Variants in NOS1 observed in about 807,000 individuals in gnomAD.
NOS1 encodes the protein NOS type I.
NOS1 carries 51 observed loss-of-function variants against 164.5 expected under a neutral mutation model. The observed-to-expected ratio is 0.31, with a 90% CI of 0.25 to 0.39. The LOEUF (loss-of-function observed/expected upper bound fraction) is 0.39. Among genes scored for constraint, NOS1 ranks in the 10% least tolerant of loss-of-function variants. The pLI is 1.00. For missense variants in NOS1, 1,362 were observed against 1,885.6 expected (o/e 0.72, Z 5.14); for synonymous variants, 719 against 745.8 (o/e 0.96, Z 0.59).
At chr12:117,276,985 CT>C (rs1429230274) in intron 9 of NOS1, among the ~76,000 whole-genome samples, 1 of 152,128 alleles carries the variant, frequency 6.6e-6, no homozygotes, top group African/African-American at 2.4e-5. Flanking sequence ...GATTTCCCTT[CT>C]TTTGGGTATA....
intron 1 of NOS1, among the ~76,000 whole-genome samples, chr12:117,334,875 TG>T (rs1875730813): frequency 6.6e-6 from 1 of 152,212 alleles, no homozygotes; most frequent in Non-Finnish European, 1.5e-5. Context: ...TCCCGGTTTT[TG>T]AATGTCCAGT....
intron 1 of NOS1, among the ~76,000 whole-genome samples, chr12:117,344,743 G>A (rs1323073665): frequency 6.6e-6 from 1 of 152,170 alleles, no homozygotes; most frequent in Non-Finnish European, 1.5e-5. Context: ...AGGGCTCAGG[G>A]AACCCTGAAA....
At chr12:117,227,699 G>A in intron 22 of NOS1, 58 bp from the exon 23 acceptor site, 4 of 1,535,414 alleles carry the variant, frequency 2.6e-6, no homozygotes, top group Non-Finnish European at 3.6e-6. Context: ...TACTTCCCAT[G>A]AGGACCTGAG....
chr12:117,223,473 G>A (rs979137933), intron 25 of NOS1, among the ~76,000 whole-genome samples: 1 of 152,032 alleles, frequency 6.6e-6, no homozygotes, highest in African/African-American at 2.4e-5. Flanking sequence ...TGTTGGCCAG[G>A]CTGGTCTCGA....
intron 16 of NOS1, 39 bp downstream of exon 16, chr12:117,258,358 C>A: frequency 6.2e-7 from 1 of 1,608,374 alleles, no homozygotes; most frequent in Non-Finnish European, 8.5e-7. Flanking sequence ...CAGTTACCCT[C>A]GGGGGTGGCG....
intron 17 of NOS1, among the ~76,000 whole-genome samples, chr12:117,252,001 G>C (rs1464652871): frequency 6.6e-6 from 1 of 152,172 alleles, no homozygotes; most frequent in Non-Finnish European, 1.5e-5. Flanking sequence ...CCAAAGTGCT[G>C]GGATTACAGG....
At chr12:117,309,359 C>T (rs1012658454) in intron 3 of NOS1, 26 of 983,994 alleles carry the variant, frequency 2.6e-5, no homozygotes, top group Non-Finnish European at 2.9e-5. Context: ...CAGCCATCAG[C>T]GGCTAAGGAA....
chr12:117,210,778 T>G lies in NOS1; in HGVS notation c.*4531A>C. The G allele has an allele frequency of 1.0e-6, 1 of 985,384 alleles. No individual in the cohort carries two copies. The allele number at this position is 985,384 out of a possible 1,614,324, so 61.0% of individuals were successfully genotyped here. A position where few individuals can be genotyped will look rare whatever the true frequency, so the allele number is the denominator to read the frequency against. Reference sequence around the variant, plus strand: ...TTCTGTGTTCTTAGCCAATGTCTACTGGCTGGGGGTCAGTTTTCCCTCCGG... The same window carrying G: ...TTCTGTGTTCTTAGCCAATGTCTACGGGCTGGGGGTCAGTTTTCCCTCCGG... On this transcript the variant is annotated 3_prime_UTR_variant, in exon 29 of 29. Coordinates refer to ENST00000317775, the MANE Select transcript of NOS1 (RefSeq NM_000620.5).
intron 1 of NOS1, among the ~76,000 whole-genome samples, chr12:117,336,284 T>C (rs1165817181): frequency 2.0e-5 from 3 of 152,130 alleles, no homozygotes; most frequent in South Asian, 2.1e-4. Flanking sequence ...TTTTTAGCAT[T>C]GAAAGATGAA....
At chr12:117,277,895 TG>T in intron 9 of NOS1, 63 bp downstream of exon 9, 2 of 1,526,988 alleles carry the variant, frequency 1.3e-6, no homozygotes, top group Non-Finnish European at 1.8e-6. Flanking sequence ...GGGATGGGGC[TG>T]GGCAAAGAGG....
chr12:117,337,349 C>T (rs1433575147), intron 1 of NOS1, among the ~76,000 whole-genome samples: 2 of 151,872 alleles, frequency 1.3e-5, no homozygotes, highest in African/African-American at 2.4e-5. Context: ...AGCTCCTGAC[C>T]TTGTGATCCG....
intron 1 of NOS1, among the ~76,000 whole-genome samples, chr12:117,359,147 C>T (rs190900833): frequency 5.9e-5 from 9 of 152,314 alleles, no homozygotes; most frequent in East Asian, 5.8e-4. Flanking sequence ...GTGGCAGAGC[C>T]GTGCGCCCCT....
Position 117,235,446 on chromosome 12 carries a change from T to A in NOS1, c.3042-688A>T, listed in dbSNP as rs571101684. Among the ~76,000 whole-genome samples the A allele has an allele frequency of 3.3e-5, 5 of 152,264 alleles. No individual in the cohort carries two copies. The East Asian group carries it at 7.7e-4, about 24-fold the overall frequency. On this transcript the variant is annotated intron_variant, in intron 20 of 28. Transcript: ENST00000317775. ...GGACCACAGGCTGTGGCATCCCCAA[T>A]CTGTGAAATTCTATATCTCCTAGGA...
chr12:117,218,491 C>T (rs1956646744), intron 27 of NOS1, among the ~76,000 whole-genome samples: 1 of 152,072 alleles, frequency 6.6e-6, no homozygotes, highest in Non-Finnish European at 1.5e-5. Flanking sequence ...TCACCATTCC[C>T]TCTTTCCTCC....
intron 13 of NOS1, among the ~76,000 whole-genome samples, chr12:117,262,826 C>T (rs1211392570): frequency 1.3e-5 from 2 of 152,108 alleles, no homozygotes; most frequent in Non-Finnish European, 2.9e-5. Context: ...CCCCATCCTA[C>T]TTGTCAGCTG....
intron 10 of NOS1, among the ~76,000 whole-genome samples, chr12:117,269,008 G>A (rs888080892): frequency 3.9e-5 from 6 of 152,106 alleles, no homozygotes; most frequent in Non-Finnish European, 7.4e-5. Flanking sequence ...CTAGAGACTC[G>A]GCTGGCCCTT....
At chr12:117,274,602 C>G (rs1386560276) in intron 9 of NOS1, among the ~76,000 whole-genome samples, 1 of 151,906 alleles carries the variant, frequency 6.6e-6, no homozygotes, top group African/African-American at 2.4e-5. Context: ...AACCCCGTCT[C>G]TACTAAAAAT....
chr12:117,228,776 A>C (rs1868925580), intron 22 of NOS1, among the ~76,000 whole-genome samples: 1 of 151,922 alleles, frequency 6.6e-6, no homozygotes, highest in African/African-American at 2.4e-5. Flanking sequence ...CTATTTTTAA[A>C]CTTTTTTAAA....
chr12:117,260,197 TC>T (rs1343942742), intron 14 of NOS1, among the ~76,000 whole-genome samples: 2 of 152,042 alleles, frequency 1.3e-5, no homozygotes, highest in Non-Finnish European at 2.9e-5. Context: ...AGGCAAAGCT[TC>T]CCAAACTGAC....
Sources: gnomAD v4.1 joint callset for allele counts (sites outside exome capture counted in the v4.1 genomes callset) on GRCh38, gnomAD v4.1.1 for gene constraint, MANE v1.5 for transcripts, NCBI Gene and HGNC (gene_info 2026-07-23, HGNC 2026-07-21) for gene names.